GUCY1A2: variants seen among roughly 807,000 people sequenced by gnomAD.
GUCY1A2 encodes guanylate cyclase soluble subunit alpha-2.
A neutral mutation model predicts 63.5 loss-of-function variants in GUCY1A2; 27 were observed. The ratio of observed to expected loss-of-function variants is 0.43; its 90% confidence interval spans 0.31 to 0.59. GUCY1A2 has a LOEUF of 0.59. Ranked by LOEUF, GUCY1A2 falls within the 20% of genes least tolerant of loss-of-function variation. The pLI is 0.11. For missense variants in GUCY1A2, 768 were observed against 913.3 expected, an observed-to-expected ratio of 0.84 and a Z score of 2.05; for synonymous variants, 364 against 343.5, an observed-to-expected ratio of 1.06 and a Z score of -0.66.
intron 3 of GUCY1A2, among the ~76,000 whole-genome samples, chr11:106,940,577 T>C (rs778460647): frequency 5.3e-5 from 8 of 152,200 alleles, no homozygotes; most frequent in South Asian, 2.1e-4. Flanking sequence ...TGAACCTACA[T>C]GATGCATTAT....
At chr11:106,785,951 G>A (rs1864548633) in intron 5 of GUCY1A2, among the ~76,000 whole-genome samples, 1 of 150,140 alleles carries the variant, frequency 6.7e-6, no homozygotes, top group African/African-American at 2.5e-5. Flanking sequence ...CTATTCCCAT[G>A]TACTCCTTCT....
At position 106,684,051 on chromosome 11, in the gene GUCY1A2, AGTT is replaced by A. The variant is rs1862478492; in HGVS notation, c.*3495_*3497del. 1 of 189,620 alleles carries A rather than the reference AGTT, an allele frequency of 5.3e-6. No homozygotes were observed. Among genetic ancestry groups the A allele is most frequent in the Non-Finnish European group, 1.1e-5 (1 of 90,178 alleles). The allele number at this position is 189,620 out of a possible 1,614,324, so 11.7% of individuals were successfully genotyped here. A position where few individuals can be genotyped will look rare whatever the true frequency, so the allele number is the denominator to read the frequency against. ...CCCCTTGTGAATGAGATTTTGTTTA[AGTT>A]GTTATTATCCTCTTTTGCTTTGTTT... On this transcript the variant is annotated 3_prime_UTR_variant, in exon 8 of 8. Coordinates refer to ENST00000526355, the MANE Select transcript of GUCY1A2 (RefSeq NM_000855.3).
intron 4 of GUCY1A2, among the ~76,000 whole-genome samples, chr11:106,897,826 G>A (rs940647177): frequency 4.6e-5 from 7 of 151,406 alleles, no homozygotes; most frequent in African/African-American, 1.7e-4. Context: ...GATGACAAAG[G>A]CATGATGTAT....
At chr11:106,830,728 T>A (rs187767827) in intron 4 of GUCY1A2, among the ~76,000 whole-genome samples, 1 of 152,300 alleles carries the variant, frequency 6.6e-6, no homozygotes, top group Non-Finnish European at 1.5e-5. Context: ...TTGTGTGAGT[T>A]AATACTTCTT....
rs574368359 is a variant in GUCY1A2 at position 106,829,093 on chromosome 11, G to A, written c.1207-18615C>T. On this transcript the variant is annotated intron_variant, in intron 4 of 7. Coordinates refer to ENST00000526355, the MANE Select transcript of GUCY1A2 (RefSeq NM_000855.3). ...AATATTTGCCAAGAGTCTGCTCGAC[G>A]AACAAAGTCAATCTGTGACTCAATA... 4.6e-5 allele frequency among the ~76,000 whole-genome samples: 7 copies of A among 152,268 alleles called. No individual in the cohort carries two copies. In the South Asian group the frequency reaches 6.2e-4, roughly 14 times the overall value.
At chr11:106,716,826 G>GC (rs1400783197) in intron 6 of GUCY1A2, among the ~76,000 whole-genome samples, 1 of 147,196 alleles carries the variant, frequency 6.8e-6, no homozygotes, top group Non-Finnish European at 1.5e-5. Context: ...TTATAAGAGA[G>GC]CTATAAGGAG....
chr11:106,713,496 C>CTTTTTTTTTTTTTTTTTTT (rs143909145), intron 6 of GUCY1A2, among the ~76,000 whole-genome samples: 1 of 78,354 alleles, frequency 1.3e-5, no homozygotes, highest in African/African-American at 5.6e-5. Context: ...TAGTATGTTT[C>CTTTTTTTTTTTTTTTTTTT]TTTTTTTTTT....
intron 4 of GUCY1A2, among the ~76,000 whole-genome samples, chr11:106,881,617 C>A (rs985958129): frequency 6.6e-5 from 10 of 152,036 alleles, no homozygotes; most frequent in Middle Eastern, 3.4e-3. Context: ...CCACCTAAAG[C>A]AGTAAAATGT....
At chr11:106,740,188 C>T (rs554455304) in intron 6 of GUCY1A2, among the ~76,000 whole-genome samples, 30 of 151,872 alleles carry the variant, frequency 2.0e-4, no homozygotes, top group Non-Finnish European at 4.1e-4. Flanking sequence ...TTAGTAGAGA[C>T]GGAGTTTTAC....
At position 107,003,933 on chromosome 11, in the gene GUCY1A2, A is replaced by G. The variant is rs75277254; in HGVS notation, c.303+13820T>C. Among the ~76,000 whole-genome samples, 1,017 of 152,262 alleles carry G rather than the reference A, an allele frequency of 6.7e-3. 3 individuals are homozygous for G. The highest frequency in any genetic ancestry group is 0.017 in the Middle Eastern group (5 of 294). On this transcript the variant is annotated intron_variant, in intron 1 of 7. Transcript: ENST00000526355. The stretch of plus-strand genomic sequence containing the variant: ...AGAAGTTGGACTATGATGAAGACTC[A>G]ATGGAAGTCTCAGCTGACCCTACAT...
chr11:106,717,071 T>G (rs984206599), intron 6 of GUCY1A2, among the ~76,000 whole-genome samples: 5 of 152,172 alleles, frequency 3.3e-5, no homozygotes, highest in Non-Finnish European at 7.4e-5. Context: ...TCTAGCCTCT[T>G]AGAGAGCTAG....
rs1046952203 is a variant in GUCY1A2 at position 106,872,659 on chromosome 11, A to G, written c.1207-62181T>C. Among the ~76,000 whole-genome samples the G allele has an allele frequency of 3.3e-5, 5 of 152,224 alleles. No homozygotes were observed. In the East Asian group the frequency reaches 7.7e-4, roughly 23 times the overall value. On this transcript the variant is annotated intron_variant, in intron 4 of 7. Coordinates refer to ENST00000526355, the MANE Select transcript of GUCY1A2 (RefSeq NM_000855.3). Reference sequence around the variant, plus strand: ...AGGCAAAAAGCCGGCAATTAGCAGTACTCAAAAGTGTAATTGCTGCTTTGT... The same window carrying G: ...AGGCAAAAAGCCGGCAATTAGCAGTGCTCAAAAGTGTAATTGCTGCTTTGT...
chr11:106,950,976 G>A (rs1407355554), intron 3 of GUCY1A2, among the ~76,000 whole-genome samples: 2 of 152,112 alleles, frequency 1.3e-5, no homozygotes, highest in Non-Finnish European at 2.9e-5. Context: ...CCACTTATGA[G>A]TGAGAACATG....
At chr11:107,011,208 T>G (rs1324886023) in intron 1 of GUCY1A2, among the ~76,000 whole-genome samples, 1 of 152,212 alleles carries the variant, frequency 6.6e-6, no homozygotes, top group Non-Finnish European at 1.5e-5. Flanking sequence ...CCTATGTGCC[T>G]ACATGTGTGT....
In GUCY1A2 at chr11:106,683,245, A is replaced by C. The variant is rs1429131095; in HGVS notation, c.*4304T>G. 1 of 217,402 alleles carries C rather than the reference A, an allele frequency of 4.6e-6. No individual in the cohort carries two copies. Among genetic ancestry groups the C allele is most frequent in the African/African-American group, 2.2e-5 (1 of 44,456 alleles). 13.5% of individuals were successfully genotyped at this position (217,402 alleles called of 1,614,324 possible). On this transcript the variant is annotated 3_prime_UTR_variant, in exon 8 of 8. Coordinates refer to ENST00000526355, the MANE Select transcript of GUCY1A2 (RefSeq NM_000855.3). ...GAAATGACATAATTTTTGTAGCTGA[A>C]GGTCTATAATCTAATAGTAGAAAAA...
intron 3 of GUCY1A2, among the ~76,000 whole-genome samples, chr11:106,972,278 A>G (rs1861205581): frequency 6.6e-6 from 1 of 152,160 alleles, no homozygotes; most frequent in Non-Finnish European, 1.5e-5. Context: ...ATGATGTCAA[A>G]TGGGGAAAAT....
intron 4 of GUCY1A2, among the ~76,000 whole-genome samples, chr11:106,855,905 A>T (rs200475959): frequency 0.017 from 1,527 of 88,654 alleles, 35 homozygotes; most frequent in African/African-American, 0.061. Flanking sequence ...TTATTTATTT[A>T]TTTATTTATT....
rs1029681185 is a variant in GUCY1A2 at position 106,827,854 on chromosome 11, A to T, written c.1207-17376T>A. ...GCGATGCCGCCGCCGACCACCATGA[A>T]CTTCCCTGCAGTCATGGGAGGGCGC... On this transcript the variant is annotated intron_variant, in intron 4 of 7. Transcript: ENST00000526355. 14 of 1,599,762 alleles carry T rather than the reference A, an allele frequency of 8.8e-6. 1 individual carries two copies. The South Asian group carries it at 1.4e-4, about 16-fold the overall frequency.
chr11:106,974,018 C>T (rs1861230660), intron 3 of GUCY1A2, among the ~76,000 whole-genome samples: 1 of 152,020 alleles, frequency 6.6e-6, no homozygotes, highest in Non-Finnish European at 1.5e-5. Flanking sequence ...CATTCCAGTT[C>T]GTGCAGCTAG....
Sources: allele counts gnomAD v4.1 joint callset (sites outside exome capture counted in the v4.1 genomes callset), GRCh38; gene constraint gnomAD v4.1.1; transcripts MANE v1.5; gene names NCBI Gene and HGNC (gene_info 2026-07-23, HGNC 2026-07-21).